Variants in VIPAS39 observed in about 807,000 individuals in gnomAD.
VIPAS39 encodes the protein spermatogenesis-defective protein 39 homolog.
VIPAS39 carries 63 observed loss-of-function variants against 84.7 expected under a neutral mutation model. The ratio of observed to expected loss-of-function variants is 0.74; its 90% CI spans 0.61 to 0.92. VIPAS39 has a LOEUF of 0.92. VIPAS39 is among the 40% of genes least tolerant of loss of function. The pLI is 0.00. For synonymous variants in VIPAS39, 192 were observed against 216.5 expected (o/e 0.89, Z 0.99); for missense variants, 499 against 604.5 (o/e 0.83, Z 1.83).
At chr14:77,439,175 A>ATGGTTG (rs2078661252) in intron 11 of VIPAS39, among the ~76,000 whole-genome samples, 1 of 152,240 alleles carries the variant, frequency 6.6e-6, no homozygotes, top group East Asian at 1.9e-4. Flanking sequence ...TGAAAAACTC[A>ATGGTTG]AAATCTATAT....
intron 1 of VIPAS39, among the ~76,000 whole-genome samples, chr14:77,456,293 C>T (rs549133212): frequency 7.4e-4 from 112 of 152,222 alleles, no homozygotes; most frequent in Non-Finnish European, 1.5e-3. Context: ...ATTATTAATA[C>T]ATCATCCTGG....
In VIPAS39 at chr14:77,454,048, C is replaced by A. The variant is rs780933044; in HGVS notation, c.55G>T (p.Ala19Ser). ...TCGTCTTCATCGTCAAAGGTAAAAG[C>A]CTTGAACTTGGAGCTGTTCCAATAC... is the stretch of plus-strand genomic sequence containing the variant. Reference protein sequence around the residue: ...EEYWNSSKFKAFTFDDEDDEL... With the variant: ...EEYWNSSKFKSFTFDDEDDEL... The change falls in exon 2 of 20, where the codon GCT (alanine) becomes TCT (serine). Residue 19 changes from alanine to serine, a missense_variant. Ala to Ser is a moderately conservative substitution (Grantham distance 99, BLOSUM62 1). Coordinates refer to ENST00000557658, the MANE Select transcript of VIPAS39 (RefSeq NM_001193315.2). 1.2e-5 allele frequency: 19 copies of A among 1,614,180 alleles called. No homozygotes were observed. Among genetic ancestry groups the A allele is most frequent in the Non-Finnish European group, 1.5e-5 (18 of 1,180,032 alleles).
Position 77,444,041 on chromosome 14 carries a change from C to CAAAA in VIPAS39, c.597+204_597+207dup, listed in dbSNP as rs35983631. 0.024 allele frequency among the ~76,000 whole-genome samples: 3,045 copies of CAAAA among 127,734 alleles called. 49 individuals are homozygous for CAAAA. Among genetic ancestry groups the CAAAA allele is most frequent in the Middle Eastern group, 0.038 (9 of 236 alleles). 83.8% of individuals were successfully genotyped at this position (127,734 alleles called of 152,430 possible). ...GGGCAACAGAGCAAGACCCTGTCTC[C>CAAAA]AAAAAAAAAAAAAAACAGGGTTCCA... On this transcript the variant is annotated intron_variant, in intron 8 of 19. Coordinates refer to ENST00000557658, the MANE Select transcript of VIPAS39 (RefSeq NM_001193315.2).
chr14:77,431,890 A>G (rs2078529014), intron 16 of VIPAS39, among the ~76,000 whole-genome samples: 1 of 152,222 alleles, frequency 6.6e-6, no homozygotes, highest in Non-Finnish European at 1.5e-5. Flanking sequence ...CAAAAATAAT[A>G]AACAAATAAA....
At chr14:77,457,081 C>A (rs1333080340) in intron 1 of VIPAS39, 2 of 1,394,484 alleles carry the variant, frequency 1.4e-6, no homozygotes, top group Non-Finnish European at 1.9e-6. Flanking sequence ...CAGAAAACTC[C>A]AAAAACCACC....
intron 4 of VIPAS39, 121 bp from the exon 5 acceptor site, chr14:77,449,873 A>C: frequency 4.1e-6 from 5 of 1,209,244 alleles, no homozygotes; most frequent in Non-Finnish European, 6.1e-6. Flanking sequence ...AAGGCTTAAA[A>C]AAGGTTTTAT....
rs774771893 is a variant in VIPAS39 at position 77,429,764 on chromosome 14, A to G, written c.1183T>C (p.Trp395Arg). ...DVDALFTTKN[W>R]LGYTKKRAPI... Reference sequence around the variant, plus strand: ...GCTCTCTTCTTGGTATAGCCCAGCCAGTTCTGAAAGAGGAAGATGGGGTAG... The same window carrying G: ...GCTCTCTTCTTGGTATAGCCCAGCCGGTTCTGAAAGAGGAAGATGGGGTAG... The change falls in exon 17 of 20, where the codon TGG becomes CGG. Residue 395 changes from tryptophan (W) to arginine (R), a missense_variant. Transcript: ENST00000557658. The G allele has an allele frequency of 6.2e-7, 1 of 1,614,200 alleles. No homozygotes were observed. The highest frequency in any genetic ancestry group is 2.2e-5 in the East Asian group (1 of 44,892).
At chr14:77,457,169 G>A (rs2139922095) in intron 1 of VIPAS39, 5 of 1,457,298 alleles carry the variant, frequency 3.4e-6, no homozygotes, top group Non-Finnish European at 4.5e-6. Flanking sequence ...TGAGACCAGG[G>A]AACAAGAGTT....
intron 4 of VIPAS39, 26 bp downstream of exon 4, chr14:77,451,161 C>T: frequency 6.2e-7 from 1 of 1,614,110 alleles, no homozygotes; most frequent in Non-Finnish European, 8.5e-7. Context: ...AAGGACTTCC[C>T]TATCCATTTA....
intron 8 of VIPAS39, among the ~76,000 whole-genome samples, chr14:77,444,043 A>AAAC (rs1415089035): frequency 2.0e-5 from 3 of 149,236 alleles, no homozygotes; most frequent in Non-Finnish European, 4.5e-5. Flanking sequence ...CCTGTCTCCA[A>AAAC]AAAAAAAAAA....
At chr14:77,434,554 C>T (rs2078574568) in intron 14 of VIPAS39, among the ~76,000 whole-genome samples, 1 of 152,038 alleles carries the variant, frequency 6.6e-6, no homozygotes, top group Non-Finnish European at 1.5e-5. Flanking sequence ...GAGAAAATGT[C>T]TGCCTGTTAT....
intron 7 of VIPAS39, among the ~76,000 whole-genome samples, chr14:77,447,046 C>CTT (rs34819838): frequency 1.9e-4 from 27 of 143,394 alleles, no homozygotes; most frequent in Non-Finnish European, 2.6e-4. Flanking sequence ...CCACACCTGG[C>CTT]TTTTTTTTTT....
intron 1 of VIPAS39, among the ~76,000 whole-genome samples, chr14:77,456,459 G>A (rs2078962049): frequency 6.6e-6 from 1 of 152,122 alleles, no homozygotes; most frequent in Admixed American, 6.5e-5. Flanking sequence ...TCTGTCATTC[G>A]TTTGATCCTC....
chr14:77,437,432 T>C (rs1047547574), intron 12 of VIPAS39, among the ~76,000 whole-genome samples: 8 of 152,076 alleles, frequency 5.3e-5, no homozygotes, highest in Admixed American at 2.0e-4. Flanking sequence ...ATGCATCAGG[T>C]CCCTAAAGTA....
intron 10 of VIPAS39, 106 bp downstream of exon 10, chr14:77,442,454 C>T (rs1340463189): frequency 1.1e-6 from 1 of 935,278 alleles, no homozygotes; most frequent in Non-Finnish European, 1.8e-6. Flanking sequence ...GTCTTCCAAG[C>T]ACTTCCAGGA....
intron 16 of VIPAS39, among the ~76,000 whole-genome samples, chr14:77,430,580 G>A (rs760356641): frequency 8.5e-5 from 13 of 152,188 alleles, no homozygotes; most frequent in African/African-American, 2.2e-4. Flanking sequence ...AGCCGGGCAG[G>A]GTGGCGCATG....
chr14:77,428,236 G>A (rs2078461324), intron 19 of VIPAS39, 134 bp downstream of exon 19: 5 of 776,270 alleles, frequency 6.4e-6, no homozygotes, highest in Non-Finnish European at 1.1e-5. Flanking sequence ...TGACATTGTG[G>A]CCAGAGGAGA....
At chr14:77,435,057 G>T (rs2078585478) in intron 14 of VIPAS39, 1 of 689,226 alleles carries the variant, frequency 1.5e-6, no homozygotes, top group Non-Finnish European at 2.4e-6. Context: ...CAGCTCACTT[G>T]AAGCTACAAA....
intron 7 of VIPAS39, 96 bp from the exon 8 acceptor site, chr14:77,444,437 G>T: frequency 8.9e-7 from 1 of 1,120,488 alleles, no homozygotes. Context: ...GAAACAAAAT[G>T]TCCCCAAGGA....
Sources: gnomAD v4.1 joint callset for allele counts (sites outside exome capture counted in the v4.1 genomes callset) on GRCh38, gnomAD v4.1.1 for gene constraint, MANE v1.5 for transcripts, NCBI Gene and HGNC (gene_info 2026-07-23, HGNC 2026-07-21) for gene names.